The following GAB2 variants were observed in gnomAD, a reference collection of about 807,000 sequenced individuals.
GAB2 encodes the protein GRB2 associated binding protein 2, also known as GRB2-associated-binding protein 2.
Under a neutral mutation model 65.5 loss-of-function variants are expected in GAB2, and 26 were observed. The observed-to-expected ratio is 0.40, with a 90% CI of 0.29 to 0.55. The LOEUF is 0.55. GAB2 is among the 20% of genes least tolerant of loss of function. The pLI, the probability that GAB2 is intolerant of heterozygous loss-of-function variation, is 0.53. For synonymous variants in GAB2, 321 were observed against 329.6 expected, an observed-to-expected ratio of 0.97 and a Z score of 0.28; for missense variants, 884 against 875.8, an observed-to-expected ratio of 1.01 and a Z score of -0.12.
chr11:78,339,260 C>G (rs1263251747), intron 1 of GAB2, among the ~76,000 whole-genome samples: 1 of 152,122 alleles, frequency 6.6e-6, no homozygotes, highest in Admixed American at 6.5e-5. Context: ...TGACACTCTT[C>G]TTTCATTTTG....
At chr11:78,336,989 T>C (rs1333759831) in intron 1 of GAB2, among the ~76,000 whole-genome samples, 1 of 152,212 alleles carries the variant, frequency 6.6e-6, no homozygotes, top group African/African-American at 2.4e-5. Flanking sequence ...TGCTCAGAAA[T>C]CTGACTGTGA....
chr11:78,314,512 T>C (rs1251903375), intron 1 of GAB2, among the ~76,000 whole-genome samples: 2 of 152,236 alleles, frequency 1.3e-5, no homozygotes, highest in Admixed American at 6.5e-5. Context: ...AGTTATGTGA[T>C]TTCAGCCAAA....
In GAB2 at chr11:78,328,262, T is replaced by C. The variant is rs553535857; in HGVS notation, c.76-47361A>G. Among the ~76,000 whole-genome samples, 10 of 152,324 alleles carry C rather than the reference T, an allele frequency of 6.6e-5. No homozygotes were observed. The South Asian group carries it at 2.1e-3, about 32-fold the overall frequency. On this transcript the variant is annotated intron_variant, in intron 1 of 9. Coordinates refer to ENST00000361507, the MANE Select transcript of GAB2 (RefSeq NM_080491.3). ...AAACAATTTCCTGTTGCAGGGCATTTACTGGTAGCATTGCATTTGCAGTCT... is the reference window on the plus strand; with the variant it reads ...AAACAATTTCCTGTTGCAGGGCATTCACTGGTAGCATTGCATTTGCAGTCT...
intron 1 of GAB2, among the ~76,000 whole-genome samples, chr11:78,351,694 G>A (rs1024157830): frequency 1.3e-5 from 2 of 152,154 alleles, no homozygotes; most frequent in Non-Finnish European, 2.9e-5. Flanking sequence ...AAAGCATACT[G>A]CTGGGAGAAG....
At chr11:78,350,815 C>T (rs1000219768) in intron 1 of GAB2, among the ~76,000 whole-genome samples, 1 of 152,202 alleles carries the variant, frequency 6.6e-6, no homozygotes, top group Admixed American at 6.5e-5. Flanking sequence ...CTTTTGTGCT[C>T]ATTGAACTAA....
intron 1 of GAB2, among the ~76,000 whole-genome samples, chr11:78,299,214 T>C (rs1174643502): frequency 2.0e-5 from 3 of 152,220 alleles, no homozygotes; most frequent in East Asian, 1.9e-4. Context: ...AGTTTAGATA[T>C]TCAGGTTGTG....
At chr11:78,413,031 G>GT (rs1405129116) in intron 1 of GAB2, among the ~76,000 whole-genome samples, 1 of 152,238 alleles carries the variant, frequency 6.6e-6, no homozygotes, top group Non-Finnish European at 1.5e-5. Flanking sequence ...ATCTGAGCAA[G>GT]TAGGTGCTTA....
intron 1 of GAB2, among the ~76,000 whole-genome samples, chr11:78,353,102 C>G (rs1033623833): frequency 6.6e-6 from 1 of 152,136 alleles, no homozygotes; most frequent in African/African-American, 2.4e-5. Context: ...GCTTGTTACA[C>G]GTGTATCTTC....
chr11:78,222,291 T>C, intron 6 of GAB2, 96 bp from the exon 7 acceptor site: 2 of 784,398 alleles, frequency 2.5e-6, no homozygotes, highest in Non-Finnish European at 4.5e-6. Context: ...TATAAAGGCC[T>C]GCAAAGTCAT....
chr11:78,311,401 G>GTT (rs141675297), intron 1 of GAB2, among the ~76,000 whole-genome samples: 17 of 150,036 alleles, frequency 1.1e-4, no homozygotes, highest in African/African-American at 2.9e-4. Flanking sequence ...TATAAAGGTT[G>GTT]TTTTTTTTTC....
chr11:78,294,846 A>G (rs957430583), intron 1 of GAB2, among the ~76,000 whole-genome samples: 2 of 152,220 alleles, frequency 1.3e-5, no homozygotes, highest in Non-Finnish European at 2.9e-5. Flanking sequence ...CTTCATGTCT[A>G]AAACACCAAA....
chr11:78,382,633 T>A (rs1160412485), intron 1 of GAB2, among the ~76,000 whole-genome samples: 3 of 152,156 alleles, frequency 2.0e-5, no homozygotes, highest in Non-Finnish European at 2.9e-5. Flanking sequence ...CACATAAAAT[T>A]AAGTCACCAC....
intron 1 of GAB2, among the ~76,000 whole-genome samples, chr11:78,386,231 T>A (rs764364714): frequency 3.3e-5 from 5 of 152,184 alleles, no homozygotes; most frequent in African/African-American, 4.8e-5. Context: ...AGAAAGAGGA[T>A]TCAGTGTTTG....
At chr11:78,333,159 A>G (rs1423451287) in intron 1 of GAB2, among the ~76,000 whole-genome samples, 2 of 152,248 alleles carry the variant, frequency 1.3e-5, no homozygotes, top group African/African-American at 2.4e-5. Flanking sequence ...CTCCAATTAC[A>G]AAGGAAAATC....
At chr11:78,396,942 A>C (rs181660356) in intron 1 of GAB2, among the ~76,000 whole-genome samples, 14 of 152,326 alleles carry the variant, frequency 9.2e-5, no homozygotes, top group African/African-American at 3.4e-4. Context: ...CAAAGGGTGA[A>C]ACAGCCTCAC....
At chr11:78,304,201 T>G (rs922530946) in intron 1 of GAB2, among the ~76,000 whole-genome samples, 1 of 152,170 alleles carries the variant, frequency 6.6e-6, no homozygotes, top group Non-Finnish European at 1.5e-5. Context: ...CTTTTATTTT[T>G]TAATGAGATA....
intron 1 of GAB2, among the ~76,000 whole-genome samples, chr11:78,361,321 A>G (rs1007794424): frequency 5.9e-5 from 9 of 152,224 alleles, no homozygotes; most frequent in East Asian, 1.9e-4. Context: ...TCCAGAAACC[A>G]TAACAATGAT....
intron 3 of GAB2, among the ~76,000 whole-genome samples, chr11:78,233,735 T>C (rs1255635988): frequency 6.6e-6 from 1 of 152,190 alleles, no homozygotes; most frequent in South Asian, 2.1e-4. Flanking sequence ...GCCTCGCCAG[T>C]AGCTGGCACT....
At chr11:78,274,592 C>T (rs1004702993) in intron 2 of GAB2, among the ~76,000 whole-genome samples, 1 of 152,166 alleles carries the variant, frequency 6.6e-6, no homozygotes, top group East Asian at 1.9e-4. Context: ...TATTAAGTGA[C>T]CTGCTCATGT....
Sources: gnomAD v4.1 joint callset for allele counts (sites outside exome capture counted in the v4.1 genomes callset) on GRCh38, gnomAD v4.1.1 for gene constraint, MANE v1.5 for transcripts, NCBI Gene and HGNC (gene_info 2026-07-23, HGNC 2026-07-21) for gene names.